The following RGS7 variants were observed in gnomAD, a reference collection of about 807,000 sequenced individuals.
The protein encoded by RGS7 is regulator of G-protein signaling 7.
Under a neutral mutation model 81.1 loss-of-function variants are expected in RGS7, and 27 were observed. The ratio of observed to expected loss-of-function variants is 0.33; its 90% CI spans 0.25 to 0.46. The LOEUF (loss-of-function observed/expected upper bound fraction) is 0.46, where lower values mean the gene tolerates loss of function less well. Among genes scored for constraint, RGS7 ranks in the 20% least tolerant of loss-of-function variants. RGS7 has a pLI of 1.00. For missense variants in RGS7, 396 were observed against 607.4 expected, an observed-to-expected ratio of 0.65 and a Z score of 3.66; for synonymous variants, 208 against 207.7, an observed-to-expected ratio of 1.00 and a Z score of -0.01.
chr1:240,933,043 C>T (rs990117292), intron 5 of RGS7, among the ~76,000 whole-genome samples: 18 of 148,696 alleles, frequency 1.2e-4, no homozygotes, highest in Non-Finnish European at 1.6e-4. Flanking sequence ...GCACCACGCC[C>T]GGCTAATTTT....
At chr1:240,871,020 TAGG>T (rs1471662280) in intron 6 of RGS7, among the ~76,000 whole-genome samples, 2 of 152,178 alleles carry the variant, frequency 1.3e-5, no homozygotes, top group South Asian at 2.1e-4. Context: ...AGCAGATTTA[TAGG>T]AGAAGGTGGT....
chr1:240,969,191 C>T (rs1456358372), intron 4 of RGS7, among the ~76,000 whole-genome samples: 1 of 152,134 alleles, frequency 6.6e-6, no homozygotes, highest in African/African-American at 2.4e-5. Context: ...TATTCTTCTT[C>T]CCTTCTTCCT....
rs554099380 is a variant in RGS7 at position 241,194,488 on chromosome 1, G to A, written c.79-95726C>T. Among the ~76,000 whole-genome samples the A allele has an allele frequency of 3.3e-5, 5 of 152,238 alleles. No individual in the cohort carries two copies. In the South Asian group the frequency reaches 6.2e-4, roughly 19 times the overall value. ...TATATTCTAACAAGTCGGCGATGGA[G>A]CCTCCAACTTTCTCATGCCTCTGGA... On this transcript the variant is annotated intron_variant, in intron 2 of 18. Transcript: ENST00000440928.
chr1:241,083,007 T>C (rs1244488262), intron 3 of RGS7, among the ~76,000 whole-genome samples: 4 of 151,816 alleles, frequency 2.6e-5, no homozygotes, highest in South Asian at 4.2e-4. Context: ...CACGGGTCAC[T>C]TGAGGTCAGG....
intron 2 of RGS7, among the ~76,000 whole-genome samples, chr1:241,107,012 T>C (rs2065166647): frequency 6.6e-6 from 1 of 152,166 alleles, no homozygotes; most frequent in Non-Finnish European, 1.5e-5. Context: ...TGGGATTACT[T>C]GGGTTGACAG....
intron 3 of RGS7, among the ~76,000 whole-genome samples, chr1:241,041,607 C>T (rs1240290132): frequency 5.9e-5 from 9 of 152,266 alleles, no homozygotes; most frequent in Non-Finnish European, 1.2e-4. Flanking sequence ...GACCCCAAAA[C>T]TCCCACTTCC....
chr1:241,300,040 A>G (rs1394489057), intron 2 of RGS7, among the ~76,000 whole-genome samples: 1 of 150,496 alleles, frequency 6.6e-6, no homozygotes, highest in East Asian at 2.0e-4. Context: ...GCCTGAACCC[A>G]GGTTTTCAAA....
chr1:241,121,735 T>TTTTTTTTC (rs2066274745), intron 2 of RGS7, among the ~76,000 whole-genome samples: 1 of 144,624 alleles, frequency 6.9e-6, no homozygotes, highest in Non-Finnish European at 1.5e-5. Flanking sequence ...TTTTTTTTTT[T>TTTTTTTTC]GAGACAGGGT....
chr1:241,292,301 CATTATT>C (rs1325796956), intron 2 of RGS7, among the ~76,000 whole-genome samples: 4 of 152,092 alleles, frequency 2.6e-5, no homozygotes, highest in South Asian at 2.1e-4. Flanking sequence ...TAGTCATTAT[CATTATT>C]AAGTATTATG....
chr1:241,272,812 T>TC (rs1176026110), intron 2 of RGS7, among the ~76,000 whole-genome samples: 1 of 152,184 alleles, frequency 6.6e-6, no homozygotes, highest in African/African-American at 2.4e-5. Context: ...ACTAATCCCT[T>TC]CCTCTGCTAT....
intron 18 of RGS7, among the ~76,000 whole-genome samples, chr1:240,786,350 A>C (rs1022107232): frequency 2.6e-5 from 4 of 152,176 alleles, no homozygotes; most frequent in Non-Finnish European, 5.9e-5. Flanking sequence ...GTGTGTATTA[A>C]AGAGATTACA....
At chr1:241,173,248 T>C (rs1022500725) in intron 2 of RGS7, among the ~76,000 whole-genome samples, 46 of 152,340 alleles carry the variant, frequency 3.0e-4, no homozygotes, top group African/African-American at 1.1e-3. Context: ...TCTAGCTCAC[T>C]TCTTCCAGTG....
At chr1:240,815,747 C>G (rs1035005292) in intron 11 of RGS7, among the ~76,000 whole-genome samples, 3 of 152,126 alleles carry the variant, frequency 2.0e-5, no homozygotes, top group Non-Finnish European at 4.4e-5. Context: ...ATTTCAGACA[C>G]TGGAGTTTGC....
chr1:241,009,951 G>T (rs914472320), intron 3 of RGS7, among the ~76,000 whole-genome samples: 1 of 152,030 alleles, frequency 6.6e-6, no homozygotes, highest in Non-Finnish European at 1.5e-5. Context: ...ACCAAACACC[G>T]CATGTTCTCA....
chr1:241,174,989 G>A (rs1193813242), intron 2 of RGS7, among the ~76,000 whole-genome samples: 2 of 125,386 alleles, frequency 1.6e-5, no homozygotes, highest in African/African-American at 3.1e-5. Flanking sequence ...TACAACCTCC[G>A]CCTCCCAGGT....
intron 9 of RGS7, among the ~76,000 whole-genome samples, chr1:240,840,619 C>A (rs1040287343): frequency 6.6e-6 from 1 of 152,204 alleles, no homozygotes; most frequent in Admixed American, 6.5e-5. Context: ...GTACTAGATG[C>A]TACTTCTTTC....
intron 2 of RGS7, among the ~76,000 whole-genome samples, chr1:241,340,205 A>G (rs1202302977): frequency 6.6e-6 from 1 of 152,198 alleles, no homozygotes; most frequent in Non-Finnish European, 1.5e-5. Context: ...AAAAGAATGC[A>G]TAATTGCCTG....
At position 240,793,611 on chromosome 1, in the gene RGS7, ATT is replaced by A. The variant is rs1205854418; in HGVS notation, c.*6+7028_*6+7029del. Among the ~76,000 whole-genome samples, 49 of 78,808 alleles carry A rather than the reference ATT, an allele frequency of 6.2e-4. 1 individual carries two copies. The highest frequency in any genetic ancestry group is 1.6e-3 in the Admixed American group (11 of 6,802). The allele number at this position is 78,808 out of a possible 152,430, so 51.7% of individuals were successfully genotyped here. On this transcript the variant is annotated intron_variant, in intron 18 of 18. Transcript: ENST00000440928. ...AATATATATATATATATATATATAT[ATT>A]TTTTTTTTTTTTTTGAGACAGAGTC...
At chr1:240,847,460 A>C (rs1659297683) in intron 9 of RGS7, among the ~76,000 whole-genome samples, 1 of 152,234 alleles carries the variant, frequency 6.6e-6, no homozygotes. Context: ...TACATCACAT[A>C]AAACTGTCAT....
Sources: allele counts gnomAD v4.1 joint callset (sites outside exome capture counted in the v4.1 genomes callset), GRCh38; gene constraint gnomAD v4.1.1; transcripts MANE v1.5; gene names NCBI Gene and HGNC (gene_info 2026-07-23, HGNC 2026-07-21).